ALG9: variants seen among roughly 807,000 people sequenced by gnomAD.
The protein encoded by ALG9 is alpha-1,2-mannosyltransferase ALG9.
In ALG9, 55 loss-of-function variants were observed where a neutral mutation model predicts 81.8. The observed-to-expected ratio is 0.67, with a 90% CI of 0.54 to 0.84. The LOEUF is 0.84. Among genes scored for constraint, ALG9 ranks in the 40% least tolerant of loss-of-function variants. The pLI, the probability that ALG9 is intolerant of heterozygous loss-of-function variation, is 0.00. For synonymous variants in ALG9, 278 were observed against 274.3 expected, an observed-to-expected ratio of 1.01 and a Z score of -0.13; for missense variants, 629 against 745.0, an observed-to-expected ratio of 0.84 and a Z score of 1.81.
At chr11:111,836,330 G>T in intron 12 of ALG9, 36 bp from the exon 13 acceptor site, 1 of 1,612,634 alleles carries the variant, frequency 6.2e-7, no homozygotes, top group Non-Finnish European at 8.5e-7. Flanking sequence ...AAAAACACAG[G>T]GGGATAATAT....
chr11:111,846,224 G>A (rs528261304), intron 8 of ALG9, among the ~76,000 whole-genome samples: 21 of 152,290 alleles, frequency 1.4e-4, no homozygotes, highest in African/African-American at 4.8e-4. Flanking sequence ...CCACCAGTGC[G>A]GAAGCAGGGC....
At chr11:111,807,343 T>C (rs1950071599) in intron 14 of ALG9, among the ~76,000 whole-genome samples, 1 of 152,138 alleles carries the variant, frequency 6.6e-6, no homozygotes, top group South Asian at 2.1e-4. Context: ...TGTTTCTTCC[T>C]TATGCCACAG....
rs781813011 is a variant in ALG9, at chr11:111,860,670, T to C, written c.477-35A>G. On this transcript the variant is annotated intron_variant, in intron 4 of 14. Transcript: ENST00000616540. ...AGGCAAAGACTATCAGCATTGAGAA[T>C]ATTAGGAATAGACATTTCAAATCAA... The C allele has an allele frequency of 7.3e-6, 11 of 1,502,368 alleles. No homozygotes were observed. In the South Asian group the frequency reaches 1.3e-4, roughly 17 times the overall value. 93.1% of individuals were successfully genotyped at this position (1,502,368 alleles called of 1,614,324 possible).
chr11:111,813,829 T>G (rs1454739006), intron 13 of ALG9, among the ~76,000 whole-genome samples: 1 of 152,210 alleles, frequency 6.6e-6, no homozygotes, highest in Non-Finnish European at 1.5e-5. Context: ...GGCCAGAATG[T>G]GGAACAACAA....
the ALG9 span, among the ~76,000 whole-genome samples, chr11:111,771,622 G>A: frequency 6.6e-6 from 1 of 152,166 alleles, no homozygotes. Flanking sequence ...TTGTCCCCCT[G>A]AAAGGGACAT....
chr11:111,768,573 A>T, the ALG9 span: 1 of 151,878 alleles, frequency 6.6e-6, no homozygotes, highest in East Asian at 1.9e-4. Flanking sequence ...CATCCTAGAC[A>T]ACACAGCAAG....
the ALG9 span, among the ~76,000 whole-genome samples, chr11:111,768,496 G>A: frequency 5.3e-5 from 8 of 152,104 alleles, no homozygotes; most frequent in South Asian, 2.1e-4. Context: ...ATGGTAACGC[G>A]TGCCTGTCTT....
At chr11:111,816,520 GA>G (rs1303197702) in intron 13 of ALG9, among the ~76,000 whole-genome samples, 2 of 152,114 alleles carry the variant, frequency 1.3e-5, no homozygotes, top group African/African-American at 4.8e-5. Flanking sequence ...AAAGTGCTAG[GA>G]TAACAGGCAT....
intron 13 of ALG9, among the ~76,000 whole-genome samples, chr11:111,823,148 C>T (rs972138782): frequency 3.3e-5 from 5 of 152,216 alleles, no homozygotes; most frequent in Non-Finnish European, 4.4e-5. Context: ...CTGCCTCTAG[C>T]TCTGTGATTT....
At chr11:111,838,578 A>G (rs1454093570) in intron 10 of ALG9, among the ~76,000 whole-genome samples, 179 bp from the exon 11 acceptor site, 7 of 152,226 alleles carry the variant, frequency 4.6e-5, no homozygotes, top group Non-Finnish European at 1.0e-4. Flanking sequence ...AGTCTTGGCC[A>G]GGCAGAGGGC....
Position 111,837,945 on chromosome 11 carries a change from T to A in ALG9, c.1324+304A>T, listed in dbSNP as rs680096. 0.65 allele frequency among the ~76,000 whole-genome samples: 98,720 copies of A among 152,070 alleles called. 32,137 individuals carry two copies. Among genetic ancestry groups the A allele is most frequent in the East Asian group, 0.77 (3,964 of 5,168 alleles). On this transcript the variant is annotated intron_variant, in intron 11 of 14. Coordinates refer to ENST00000616540, the MANE Select transcript of ALG9 (RefSeq NM_024740.2). ...TATAAGAAAGAATATAATCATGAAA[T>A]GTTAGCCCAAATTTGCATTTTAAGT...
chr11:111,849,120 G>A (rs555728508), intron 8 of ALG9, among the ~76,000 whole-genome samples: 42 of 151,446 alleles, frequency 2.8e-4, no homozygotes, highest in African/African-American at 9.2e-4. Flanking sequence ...GTGCAGTTTC[G>A]GCTCACTGCA....
chr11:111,776,407 T>A, the ALG9 span, among the ~76,000 whole-genome samples: 3 of 151,990 alleles, frequency 2.0e-5, no homozygotes, highest in African/African-American at 7.3e-5. Context: ...CTGGCCAACA[T>A]GGTGAAACAC....
intron 14 of ALG9, chr11:111,798,164 C>T: frequency 7.1e-6 from 2 of 280,190 alleles, no homozygotes; most frequent in Non-Finnish European, 1.4e-5. Flanking sequence ...GATTGTGTCA[C>T]TGCACTCTAG....
chr11:111,778,375 G>A (rs1348707862), downstream of ALG9: 1 of 152,202 alleles, frequency 6.6e-6, no homozygotes, highest in Admixed American at 6.5e-5. Context: ...AGTGTACTGA[G>A]ATGAGAGGAT....
rs76839157 is a variant in ALG9, at chr11:111,830,278, T to C, written c.1602+5887A>G. ...TTTCAAGTATTTTTCTGTCTTTTCA[T>C]TTCCTCTTTTAGATATGCTCCAGTT... On this transcript the variant is annotated intron_variant, in intron 13 of 14. Transcript: ENST00000616540. 5.9e-5 allele frequency among the ~76,000 whole-genome samples: 9 copies of C among 152,354 alleles called. No homozygotes were observed. In the East Asian group the frequency reaches 1.5e-3, roughly 26 times the overall value.
At chr11:111,811,891 T>C (rs138971705) in intron 13 of ALG9, among the ~76,000 whole-genome samples, 9 of 152,182 alleles carry the variant, frequency 5.9e-5, no homozygotes, top group African/African-American at 2.2e-4. Flanking sequence ...GGGGGAGGCA[T>C]AATAAAAATC....
chr11:111,801,106 A>C (rs949399291), intron 14 of ALG9, among the ~76,000 whole-genome samples: 4 of 152,240 alleles, frequency 2.6e-5, no homozygotes, highest in Non-Finnish European at 5.9e-5. Flanking sequence ...ATATGAATGG[A>C]CCATTATTTC....
intron 9 of ALG9, among the ~76,000 whole-genome samples, chr11:111,841,995 C>T (rs905856009): frequency 1.1e-4 from 16 of 152,118 alleles, no homozygotes; most frequent in Non-Finnish European, 1.8e-4. Flanking sequence ...CTCCCAGGTT[C>T]GAATGATTCT....
Sources: allele counts gnomAD v4.1 joint callset (sites outside exome capture counted in the v4.1 genomes callset), GRCh38; gene constraint gnomAD v4.1.1; transcripts MANE v1.5; gene names NCBI Gene and HGNC (gene_info 2026-07-23, HGNC 2026-07-21).